The following STXBP5L variants were observed in gnomAD, a reference collection of about 807,000 sequenced individuals.
The protein encoded by STXBP5L is syntaxin-binding protein 5-like.
In STXBP5L, 65 loss-of-function variants were observed where a neutral mutation model predicts 144.5. That is an observed-to-expected ratio of 0.45 (90% CI 0.37 to 0.55). The LOEUF (loss-of-function observed/expected upper bound fraction) is 0.55, where lower values mean the gene tolerates loss of function less well. Ranked by LOEUF, STXBP5L falls within the 20% of genes least tolerant of loss-of-function variation. The pLI is 0.00. For synonymous variants in STXBP5L, 505 were observed against 469.6 expected, an observed-to-expected ratio of 1.08 and a Z score of -0.97; for missense variants, 1,298 against 1,405.5, an observed-to-expected ratio of 0.92 and a Z score of 1.22.
intron 5 of STXBP5L, among the ~76,000 whole-genome samples, chr3:121,092,248 A>T (rs1305229349): frequency 1.3e-5 from 2 of 151,892 alleles, no homozygotes; most frequent in African/African-American, 2.4e-5. Context: ...TGACTTGGCA[A>T]TGCGGGCTCT....
chr3:120,996,667 T>C (rs1943373979), intron 3 of STXBP5L, among the ~76,000 whole-genome samples: 2 of 152,290 alleles, frequency 1.3e-5, no homozygotes, highest in South Asian at 4.1e-4. Context: ...TCCTATGAAT[T>C]CAACTTTTTT....
intron 20 of STXBP5L, among the ~76,000 whole-genome samples, chr3:121,366,734 A>T (rs1041212699): frequency 1.3e-5 from 2 of 152,036 alleles, no homozygotes; most frequent in Non-Finnish European, 2.9e-5. Context: ...TAATTCACTT[A>T]CATTTAAAGT....
intron 14 of STXBP5L, among the ~76,000 whole-genome samples, chr3:121,241,376 TACACACACACAC>T (rs4048752): frequency 0.011 from 1,563 of 146,888 alleles, 20 homozygotes; most frequent in African/African-American, 0.028. Flanking sequence ...CACACACACA[TACACACACACAC>T]ACACACACAC....
intron 6 of STXBP5L, among the ~76,000 whole-genome samples, chr3:121,115,729 G>T (rs2044204807): frequency 6.6e-6 from 1 of 152,118 alleles, no homozygotes; most frequent in African/African-American, 2.4e-5. Flanking sequence ...TTTACAGGAA[G>T]CATGGTGCTG....
chr3:121,137,324 C>G lies in STXBP5L; in HGVS notation c.670-15153C>G, dbSNP rs141295393. On this transcript the variant is annotated intron_variant, in intron 7 of 26. Transcript: ENST00000471454. ...TACACTAAGAAAAAAGAATGAAGACCAAATAAATAAAATCAGAGATGAAAA... is the reference window on the plus strand; with the variant it reads ...TACACTAAGAAAAAAGAATGAAGACGAAATAAATAAAATCAGAGATGAAAA... Among the ~76,000 whole-genome samples, 242 of 151,732 alleles carry G rather than the reference C, an allele frequency of 1.6e-3. 1 individual carries two copies. Among genetic ancestry groups the G allele is most frequent in the African/African-American group, 5.3e-3 (220 of 41,372 alleles).
rs542261090 is a variant in STXBP5L, at chr3:121,148,325, T to C, written c.670-4152T>C. On this transcript the variant is annotated intron_variant, in intron 7 of 26. Coordinates refer to ENST00000471454, the MANE Select transcript of STXBP5L (RefSeq NM_001308330.2). ...ATTTATGCTCCCCCTAGTAGTACAGTTGGTTTAACTTTTCAGAATCAGTCA... is the reference window on the plus strand; with the variant it reads ...ATTTATGCTCCCCCTAGTAGTACAGCTGGTTTAACTTTTCAGAATCAGTCA... 1.2e-4 allele frequency among the ~76,000 whole-genome samples: 19 copies of C among 152,150 alleles called. No homozygotes were observed. The East Asian group carries it at 3.7e-3, about 29-fold the overall frequency.
chr3:121,086,274 T>C (rs1050444406), intron 5 of STXBP5L, among the ~76,000 whole-genome samples: 30 of 152,276 alleles, frequency 2.0e-4, no homozygotes, highest in African/African-American at 7.2e-4. Context: ...TTTTATTCAG[T>C]TCATTATATT....
In STXBP5L at chr3:121,073,426, G is replaced by C. The variant is rs558236908; in HGVS notation, c.470+27891G>C. 2.0e-5 allele frequency among the ~76,000 whole-genome samples: 3 copies of C among 152,298 alleles called. No homozygotes were observed. In the East Asian group the frequency reaches 5.8e-4, roughly 29 times the overall value. On this transcript the variant is annotated intron_variant, in intron 5 of 26. Transcript: ENST00000471454. Reference sequence around the variant, plus strand: ...TTAACCTTTGTCCAAATGTGAGCTTGTTAGCATCTTCCACTAACAGGGCAG... The same window carrying C: ...TTAACCTTTGTCCAAATGTGAGCTTCTTAGCATCTTCCACTAACAGGGCAG...
rs138436396 is a variant in STXBP5L at position 121,221,512 on chromosome 3, C to T, written c.957-1491C>T. Among the ~76,000 whole-genome samples the T allele has an allele frequency of 3.0e-3, 461 of 151,574 alleles. 3 individuals carry two copies. Among genetic ancestry groups the T allele is most frequent in the African/African-American group, 0.01 (430 of 41,446 alleles). ...TAATATTATGAAAAGATACTACATTCTCTTAAGTCGTGGCCTTTTTTTGCA... is the reference window on the plus strand; with the variant it reads ...TAATATTATGAAAAGATACTACATTTTCTTAAGTCGTGGCCTTTTTTTGCA... On this transcript the variant is annotated intron_variant, in intron 10 of 26. Coordinates refer to ENST00000471454, the MANE Select transcript of STXBP5L (RefSeq NM_001308330.2).
At chr3:121,279,727 A>G in intron 18 of STXBP5L, 78 bp from the exon 19 acceptor site, 1 of 1,544,888 alleles carries the variant, frequency 6.5e-7, no homozygotes, top group South Asian at 1.2e-5. Flanking sequence ...ACTTTTCAAT[A>G]ATCCTATGAT....
intron 19 of STXBP5L, among the ~76,000 whole-genome samples, chr3:121,289,046 A>T (rs1418672756): frequency 1.3e-5 from 2 of 152,118 alleles, no homozygotes; most frequent in African/African-American, 2.4e-5. Flanking sequence ...GTGACTAAAT[A>T]ATCTGTACAC....
chr3:121,051,205 G>A (rs1382608064), intron 5 of STXBP5L, among the ~76,000 whole-genome samples: 1 of 152,076 alleles, frequency 6.6e-6, no homozygotes, highest in African/African-American at 2.4e-5. Context: ...GGATACCCAG[G>A]AATTGTACTC....
intron 2 of STXBP5L, among the ~76,000 whole-genome samples, chr3:120,914,710 T>C (rs1438595926): frequency 4.6e-5 from 7 of 152,084 alleles, no homozygotes; most frequent in Non-Finnish European, 7.4e-5. Flanking sequence ...ATAAAAAGAA[T>C]AATAGAAGAT....
intron 19 of STXBP5L, among the ~76,000 whole-genome samples, chr3:121,301,115 T>G (rs1038325684): frequency 2.0e-5 from 3 of 152,196 alleles, no homozygotes; most frequent in Non-Finnish European, 4.4e-5. Context: ...GGGATGGCAT[T>G]GAATCTATAA....
chr3:121,192,891 T>C (rs1460024723), intron 9 of STXBP5L, among the ~76,000 whole-genome samples: 1 of 151,986 alleles, frequency 6.6e-6, no homozygotes, highest in African/African-American at 2.4e-5. Context: ...CTAGGCAGTA[T>C]CATTCAGGAC....
At chr3:121,403,391 A>G (rs1184221470) in intron 22 of STXBP5L, among the ~76,000 whole-genome samples, 9 of 152,172 alleles carry the variant, frequency 5.9e-5, no homozygotes. Flanking sequence ...CTGTTTGTAC[A>G]CTAGACTCCA....
At chr3:121,131,134 A>G (rs552435753) in intron 7 of STXBP5L, among the ~76,000 whole-genome samples, 1 of 152,250 alleles carries the variant, frequency 6.6e-6, no homozygotes, top group East Asian at 1.9e-4. Context: ...ATGCAAACCA[A>G]CATCCAACCT....
chr3:120,957,334 G>C (rs12635664), intron 3 of STXBP5L, among the ~76,000 whole-genome samples: 2 of 151,820 alleles, frequency 1.3e-5, no homozygotes, highest in African/African-American at 4.8e-5. Flanking sequence ...TGTGATATAT[G>C]ATATTTATTG....
chr3:121,045,624 CA>C, intron 5 of STXBP5L, 89 bp downstream of exon 5: 1 of 1,130,704 alleles, frequency 8.8e-7, no homozygotes, highest in Non-Finnish European at 1.3e-6. Flanking sequence ...CTTTTTTCCT[CA>C]TAATCTCAAC....
Sources: allele counts gnomAD v4.1 joint callset (sites outside exome capture counted in the v4.1 genomes callset), GRCh38; gene constraint gnomAD v4.1.1; transcripts MANE v1.5; gene names NCBI Gene and HGNC (gene_info 2026-07-23, HGNC 2026-07-21).